CNTN5: variants seen among roughly 807,000 people sequenced by gnomAD.
CNTN5 encodes contactin 5.
CNTN5 carries 77 observed loss-of-function variants against 129.1 expected under a neutral mutation model. That is an observed-to-expected ratio of 0.60 (90% CI 0.50 to 0.72). The LOEUF (loss-of-function observed/expected upper bound fraction) is 0.72, where lower values mean the gene tolerates loss of function less well. Among genes scored for constraint, CNTN5 ranks in the 30% least tolerant of loss-of-function variants. CNTN5 has a pLI of 0.00. For missense variants in CNTN5, 1,478 were observed against 1,328.8 expected, an observed-to-expected ratio of 1.11 and a Z score of -1.75; for synonymous variants, 509 against 465.6, an observed-to-expected ratio of 1.09 and a Z score of -1.20.
At chr11:99,920,137 C>A (rs1949900209) in intron 7 of CNTN5, among the ~76,000 whole-genome samples, 2 of 152,002 alleles carry the variant, frequency 1.3e-5, no homozygotes, top group South Asian at 4.1e-4. Flanking sequence ...TTTTGTTTAT[C>A]CATTTGGATT....
At chr11:99,839,849 C>T (rs1053362784) in intron 4 of CNTN5, among the ~76,000 whole-genome samples, 7 of 151,918 alleles carry the variant, frequency 4.6e-5, no homozygotes, top group African/African-American at 1.4e-4. Context: ...AACCATTACA[C>T]AGTTTATGGA....
intron 13 of CNTN5, among the ~76,000 whole-genome samples, chr11:100,127,544 A>G (rs1413846022): frequency 6.6e-6 from 1 of 151,808 alleles, no homozygotes; most frequent in African/African-American, 2.4e-5. Flanking sequence ...TTCAAGATGT[A>G]TAATTATTTT....
At chr11:99,356,351 G>T (rs558532798) in intron 2 of CNTN5, among the ~76,000 whole-genome samples, 1 of 152,230 alleles carries the variant, frequency 6.6e-6, no homozygotes, top group Non-Finnish European at 1.5e-5. Flanking sequence ...TTGACACTCA[G>T]CATTTAACCA....
chr11:99,141,226 A>T (rs1009090105), intron 1 of CNTN5, among the ~76,000 whole-genome samples: 1 of 151,944 alleles, frequency 6.6e-6, no homozygotes, highest in Non-Finnish European at 1.5e-5. Flanking sequence ...AACCTTGGGA[A>T]GTTATGTATT....
chr11:99,864,046 A>T (rs1948288015), intron 6 of CNTN5, among the ~76,000 whole-genome samples: 1 of 152,176 alleles, frequency 6.6e-6, no homozygotes, highest in East Asian at 1.9e-4. Context: ...TGAGTCTGGG[A>T]TCCGGACTTC....
At chr11:100,227,243 T>C (rs551451382) in intron 16 of CNTN5, among the ~76,000 whole-genome samples, 1 of 152,288 alleles carries the variant, frequency 6.6e-6, no homozygotes, top group East Asian at 1.9e-4. Flanking sequence ...GGAACAACTT[T>C]TTTATTGTCT....
At chr11:100,290,847 C>T (rs1316131831) in intron 18 of CNTN5, among the ~76,000 whole-genome samples, 1 of 150,186 alleles carries the variant, frequency 6.7e-6, no homozygotes, top group Non-Finnish European at 1.5e-5. Context: ...AAAATTTTCA[C>T]AACCTACTCA....
chr11:99,934,476 T>A (rs1950261611), intron 7 of CNTN5, among the ~76,000 whole-genome samples: 1 of 152,228 alleles, frequency 6.6e-6, no homozygotes, highest in Admixed American at 6.5e-5. Flanking sequence ...TATATATAAT[T>A]GCTATATTTG....
intron 2 of CNTN5, among the ~76,000 whole-genome samples, chr11:99,444,830 C>G (rs1401924041): frequency 2.0e-5 from 3 of 151,646 alleles, no homozygotes; most frequent in African/African-American, 4.8e-5. Context: ...CAAATCTAGT[C>G]CCACCTCTTT....
chr11:99,280,880 A>T (rs1863664631), intron 1 of CNTN5, among the ~76,000 whole-genome samples: 2 of 151,800 alleles, frequency 1.3e-5, no homozygotes, highest in African/African-American at 4.8e-5. Context: ...ATTAGTTAAT[A>T]GTTAATAGTT....
chr11:100,205,668 C>A (rs1948897257), intron 15 of CNTN5, among the ~76,000 whole-genome samples: 1 of 151,058 alleles, frequency 6.6e-6, no homozygotes, highest in Non-Finnish European at 1.5e-5. Context: ...ACTTTAAAAT[C>A]AATAAGAGCA....
intron 9 of CNTN5, among the ~76,000 whole-genome samples, chr11:100,052,800 GATTTACTCAAT>G (rs1447680582): frequency 6.6e-6 from 1 of 151,626 alleles, no homozygotes; most frequent in East Asian, 1.9e-4. Flanking sequence ...TTAATTTAAA[GATTTACTCAAT>G]ATTTATTCTA....
At chr11:99,913,508 A>G (rs1338972173) in intron 6 of CNTN5, among the ~76,000 whole-genome samples, 1 of 152,072 alleles carries the variant, frequency 6.6e-6, no homozygotes, top group Non-Finnish European at 1.5e-5. Flanking sequence ...TTCTGGTGCT[A>G]AAGTTCCCAG....
chr11:99,728,983 A>G (rs1271552138), intron 3 of CNTN5, among the ~76,000 whole-genome samples: 1 of 152,280 alleles, frequency 6.6e-6, no homozygotes, highest in East Asian at 1.9e-4. Flanking sequence ...GAGCCATACC[A>G]TCTGGATCTT....
intron 3 of CNTN5, among the ~76,000 whole-genome samples, chr11:99,782,264 T>A (rs1945338575): frequency 6.8e-6 from 1 of 145,998 alleles, no homozygotes; most frequent in Admixed American, 6.8e-5. Context: ...GGAATCCAAC[T>A]TACAAGGGAT....
intron 8 of CNTN5, among the ~76,000 whole-genome samples, chr11:99,965,009 C>A (rs1386373404): frequency 6.6e-6 from 1 of 151,888 alleles, no homozygotes; most frequent in Non-Finnish European, 1.5e-5. Flanking sequence ...TGGTGATATC[C>A]CCTTTATCAT....
intron 2 of CNTN5, among the ~76,000 whole-genome samples, chr11:99,437,659 C>T (rs775293765): frequency 5.9e-5 from 9 of 152,022 alleles, no homozygotes; most frequent in Admixed American, 2.6e-4. Flanking sequence ...GAAACCCCAT[C>T]GCTACTAAAA....
Position 99,499,721 on chromosome 11 carries a change from A to G in CNTN5, c.-70-56424A>G, listed in dbSNP as rs76065354. Among the ~76,000 whole-genome samples the G allele has an allele frequency of 2.8e-3, 427 of 152,336 alleles. 1 individual carries two copies. Among genetic ancestry groups the G allele is most frequent in the Middle Eastern group, 0.014 (4 of 294 alleles). ...GTTAGTCAACTCAATTTTGATATTT[A>G]TTTGACACATGTCATATTTCCTTTT... On this transcript the variant is annotated intron_variant, in intron 2 of 24. Transcript: ENST00000524871.
At chr11:100,288,533 A>G (rs1950860125) in intron 18 of CNTN5, among the ~76,000 whole-genome samples, 1 of 152,228 alleles carries the variant, frequency 6.6e-6, no homozygotes, top group Non-Finnish European at 1.5e-5. Flanking sequence ...AAATGAAGGC[A>G]GAAATAAAGA....
Sources: gnomAD v4.1 joint callset for allele counts (sites outside exome capture counted in the v4.1 genomes callset) on GRCh38, gnomAD v4.1.1 for gene constraint, MANE v1.5 for transcripts, NCBI Gene and HGNC (gene_info 2026-07-23, HGNC 2026-07-21) for gene names.